The following RBPJ variants were observed in gnomAD, a reference collection of about 807,000 sequenced individuals.
RBPJ encodes the protein recombination signal binding protein for immunoglobulin kappa J region.
RBPJ carries 9 observed loss-of-function variants against 67.8 expected under a neutral mutation model. The ratio of observed to expected loss-of-function variants is 0.13; its 90% CI spans 0.08 to 0.23. The LOEUF is 0.23. RBPJ is among the 10% of genes least tolerant of loss of function. The pLI, the probability that RBPJ is intolerant of heterozygous loss-of-function variation, is 1.00. For missense variants in RBPJ, 305 were observed against 595.6 expected (o/e 0.51, Z 5.08); for synonymous variants, 198 against 203.3 (o/e 0.97, Z 0.22).
chr4:26,384,397 A>G (rs1040463526), intron 1 of RBPJ: 6 of 152,204 alleles, frequency 3.9e-5, no homozygotes, highest in Admixed American at 1.3e-4. Flanking sequence ...ATGGGATCCT[A>G]TGACTTTTAT....
At chr4:26,233,249 A>G (rs892298348) in intron 1 of RBPJ, among the ~76,000 whole-genome samples, 19 of 152,256 alleles carry the variant, frequency 1.2e-4, no homozygotes, top group Admixed American at 3.9e-4. Context: ...ACTGGGGGGG[A>G]AAACTATAAA....
At chr4:26,248,723 ATTT>A (rs1720004652) in intron 1 of RBPJ, among the ~76,000 whole-genome samples, 1 of 152,196 alleles carries the variant, frequency 6.6e-6, no homozygotes, top group Admixed American at 6.6e-5. Context: ...AATTCCATAA[ATTT>A]TTTAAGGAAG....
intron 1 of RBPJ, among the ~76,000 whole-genome samples, chr4:26,253,246 A>G (rs1318061842): frequency 2.0e-5 from 3 of 152,324 alleles, no homozygotes; most frequent in East Asian, 3.8e-4. Flanking sequence ...GCAAAAATAT[A>G]AACAAAATTA....
intron 1 of RBPJ, among the ~76,000 whole-genome samples, chr4:26,185,798 A>G (rs979281069): frequency 1.4e-4 from 21 of 152,184 alleles, no homozygotes; most frequent in African/African-American, 4.8e-4. Context: ...GGTGGCTCAC[A>G]TCTATAATCC....
chr4:26,273,369 CA>C (rs1184541834), intron 1 of RBPJ, among the ~76,000 whole-genome samples: 1 of 152,216 alleles, frequency 6.6e-6, no homozygotes, highest in Non-Finnish European at 1.5e-5. Context: ...TTATAAAATT[CA>C]AATGACTTTT....
intron 1 of RBPJ, among the ~76,000 whole-genome samples, chr4:26,252,103 T>C (rs1322061201): frequency 6.6e-6 from 1 of 151,218 alleles, no homozygotes; most frequent in Non-Finnish European, 1.5e-5. Context: ...AATTTAAGGG[T>C]ACAAGGGCAA....
intron 1 of RBPJ, among the ~76,000 whole-genome samples, chr4:26,277,816 G>C (rs919252279): frequency 3.3e-5 from 5 of 152,178 alleles, no homozygotes; most frequent in Middle Eastern, 3.2e-3. Flanking sequence ...AATTTTGCAA[G>C]CATGATTAGT....
rs907269449 is a variant in RBPJ at position 26,292,530 on chromosome 4, C to T, written c.-166-69916C>T. ...CTGCCTCCCGGGTTCAAGCGATTCT[C>T]CTGTCTCAGCCTCCCGAGTAGCTGG... On this transcript the variant is annotated intron_variant, in intron 1 of 4. Coordinates refer to the RBPJ transcript ENST00000512351. 2.0e-5 allele frequency among the ~76,000 whole-genome samples: 3 copies of T among 150,414 alleles called. 1 individual carries two copies. Among genetic ancestry groups the T allele is most frequent in the African/African-American group, 7.3e-5 (3 of 40,836 alleles).
rs533637455 is a variant in RBPJ, at chr4:26,217,934, A to G, written c.-167+54320A>G. 2.0e-5 allele frequency among the ~76,000 whole-genome samples: 3 copies of G among 152,312 alleles called. No homozygotes were observed. In the South Asian group the frequency reaches 6.2e-4, roughly 32 times the overall value. ...AGACGTGTTCAGTAAACACTCGTGG[A>G]TAAGAAGCTCTGCGCTCAAAGGTTT... On this transcript the variant is annotated intron_variant, in intron 1 of 4. Coordinates refer to the RBPJ transcript ENST00000512351.
chr4:26,324,514 G>A (rs2109334576), intron 1 of RBPJ, among the ~76,000 whole-genome samples: 1 of 151,966 alleles, frequency 6.6e-6, no homozygotes, highest in East Asian at 1.9e-4. Flanking sequence ...TCTGCATGTA[G>A]CAATATTCTA....
chr4:26,398,747 CA>C (rs1732434455), intron 2 of RBPJ, among the ~76,000 whole-genome samples: 1 of 152,020 alleles, frequency 6.6e-6, no homozygotes, highest in Non-Finnish European at 1.5e-5. Context: ...CCAAGTAGCT[CA>C]GACTACAGGC....
chr4:26,366,741 G>T (rs1485521708), intron 1 of RBPJ, among the ~76,000 whole-genome samples: 1 of 151,948 alleles, frequency 6.6e-6, no homozygotes, highest in Non-Finnish European at 1.5e-5. Flanking sequence ...ATATTTAAAG[G>T]TTCATACATA....
chr4:26,254,040 A>G (rs1307339258), intron 1 of RBPJ, among the ~76,000 whole-genome samples: 1 of 148,790 alleles, frequency 6.7e-6, no homozygotes, highest in Non-Finnish European at 1.5e-5. Flanking sequence ...TTGAGTAACA[A>G]GTTTGGGAAC....
At chr4:26,107,769 A>G in the RBPJ span, among the ~76,000 whole-genome samples, 3 of 152,176 alleles carry the variant, frequency 2.0e-5, no homozygotes, top group African/African-American at 7.2e-5. Flanking sequence ...ATGATGGTGC[A>G]CACCTGTAGT....
chr4:26,230,116 G>A (rs538335379), intron 1 of RBPJ, among the ~76,000 whole-genome samples: 2 of 152,002 alleles, frequency 1.3e-5, no homozygotes, highest in Non-Finnish European at 2.9e-5. Context: ...AGGGAGCCCA[G>A]GAGGTCAAGG....
At chr4:26,246,741 C>T (rs971603324) in intron 1 of RBPJ, among the ~76,000 whole-genome samples, 6 of 152,150 alleles carry the variant, frequency 3.9e-5, no homozygotes, top group Non-Finnish European at 8.8e-5. Context: ...ACAGTTCTCT[C>T]TCTATAGCCT....
chr4:26,142,876 G>A, the RBPJ span, among the ~76,000 whole-genome samples: 17 of 152,176 alleles, frequency 1.1e-4, no homozygotes, highest in African/African-American at 4.1e-4. Flanking sequence ...CTGCCTTCCA[G>A]GTTCAAGGGA....
intron 1 of RBPJ, among the ~76,000 whole-genome samples, chr4:26,251,118 C>T (rs1720094799): frequency 6.6e-6 from 1 of 152,168 alleles, no homozygotes; most frequent in Non-Finnish European, 1.5e-5. Flanking sequence ...ACATGACCAG[C>T]TTCTAACCAA....
intron 1 of RBPJ, among the ~76,000 whole-genome samples, chr4:26,305,305 T>C (rs969224670): frequency 6.6e-6 from 1 of 152,210 alleles, no homozygotes; most frequent in Non-Finnish European, 1.5e-5. Context: ...TCAAGATTGT[T>C]TGGCTATTGT....
Sources: gnomAD v4.1 joint callset for allele counts (sites outside exome capture counted in the v4.1 genomes callset) on GRCh38, gnomAD v4.1.1 for gene constraint, MANE v1.5 for transcripts, NCBI Gene and HGNC (gene_info 2026-07-23, HGNC 2026-07-21) for gene names.